Variants in FGF13 observed in about 807,000 individuals in gnomAD.
FGF13 encodes the protein fibroblast growth factor 13.
In FGF13, 2 loss-of-function variants were observed where a neutral mutation model predicts 19.5. The ratio of observed to expected loss-of-function variants is 0.10; its 90% CI spans 0.04 to 0.32. FGF13 has a LOEUF of 0.32. Among genes scored for constraint, FGF13 ranks in the 10% least tolerant of loss-of-function variants. The probability of loss-of-function intolerance (pLI) is 1.00; values close to 1 mark genes in which losing one functional copy is unlikely to be tolerated. For synonymous variants in FGF13, 72 were observed against 76.9 expected (o/e 0.94, Z 0.33); for missense variants, 113 against 192.7 (o/e 0.59, Z 2.45).
At chrX:138,935,709 G>T (rs979891304) in intron 1 of FGF13, among the ~76,000 whole-genome samples, 6 of 40,748 alleles carry the variant, frequency 1.5e-4, no homozygotes, top group African/African-American at 6.0e-4. Context: ...GTGTAGATCT[G>T]TGGAACCTCC....
chrX:138,876,631 G>A (rs907947856), intron 1 of FGF13, among the ~76,000 whole-genome samples: 1 of 112,029 alleles, frequency 8.9e-6, no homozygotes, highest in Non-Finnish European at 1.9e-5. Context: ...AATCACATGA[G>A]CTTAGAAGAG....
chrX:139,120,093 C>A (rs748228067), intron 1 of FGF13, among the ~76,000 whole-genome samples: 3 of 112,302 alleles, frequency 2.7e-5, no homozygotes, highest in African/African-American at 9.7e-5. Context: ...TGAGCTCACT[C>A]GCTGTCTCTC....
intron 1 of FGF13, among the ~76,000 whole-genome samples, chrX:139,053,079 C>T (rs2092308002): frequency 9.3e-6 from 1 of 107,808 alleles, no homozygotes; most frequent in Non-Finnish European, 1.9e-5. Context: ...AGTTTAGCTC[C>T]CACATATTAG....
rs10666140 is a variant in FGF13 at position 138,978,266 on chromosome X, G to GTTTTTTTTTTTTTTTTTTTTTTTTTTT, written c.-112-113617_-112-113616insAAAAAAAAAAAAAAAAAAAAAAAAAAA. On this transcript the variant is annotated intron_variant, in intron 1 of 2. Coordinates refer to the FGF13 transcript ENST00000421460. ...TAATCTCTATGGGCTAGCTGCCCTG[G>GTTTTTTTTTTTTTTTTTTTTTTTTTTT]TTTTTTTTTTTTTTGAGATGGAGTC... is the stretch of plus-strand genomic sequence containing the variant. Among the ~76,000 whole-genome samples the GTTTTTTTTTTTTTTTTTTTTTTTTTTT allele has an allele frequency of 3.9e-4, 32 of 82,883 alleles. 3 individuals carry two copies. Among genetic ancestry groups the GTTTTTTTTTTTTTTTTTTTTTTTTTTT allele is most frequent in the East Asian group, 8.3e-4 (2 of 2,419 alleles). 72.0% of individuals were successfully genotyped at this position (82,883 alleles called of 115,157 possible). A position where few individuals can be genotyped will look rare whatever the true frequency, so the allele number is the denominator to read the frequency against.
intron 3 of FGF13, among the ~76,000 whole-genome samples, chrX:138,788,504 G>C (rs1027044456): frequency 8.9e-6 from 1 of 112,151 alleles, no homozygotes; most frequent in Non-Finnish European, 1.9e-5. Flanking sequence ...GAGATTGTTT[G>C]ACCTTTTGAA....
intron 3 of FGF13, among the ~76,000 whole-genome samples, chrX:138,666,123 A>G (rs1051524991): frequency 9.0e-6 from 1 of 111,127 alleles, no homozygotes; most frequent in Non-Finnish European, 1.9e-5. Flanking sequence ...TTGAAATCAA[A>G]ATGTTCAAAT....
At chrX:139,098,257 G>A (rs1431568634) in intron 1 of FGF13, among the ~76,000 whole-genome samples, 1 of 111,596 alleles carries the variant, frequency 9.0e-6, no homozygotes, top group African/African-American at 3.3e-5. Context: ...GAATAGGGTA[G>A]CACATCTGTT....
At chrX:138,896,466 C>A (rs1399993263) in intron 1 of FGF13, among the ~76,000 whole-genome samples, 1 of 111,602 alleles carries the variant, frequency 9.0e-6, no homozygotes, top group Non-Finnish European at 1.9e-5. Flanking sequence ...CTTTCCTAAT[C>A]CATCCTGCAC....
At chrX:139,130,447 G>C (rs959065407) in intron 1 of FGF13, among the ~76,000 whole-genome samples, 8 of 110,780 alleles carry the variant, frequency 7.2e-5, no homozygotes, top group Admixed American at 6.7e-4. Context: ...CTAAAAACAT[G>C]TGTTAATTTG....
In FGF13 at chrX:139,185,529, C is replaced by T. The variant is rs867329645; in HGVS notation, c.-113+17887G>A. 1.3e-4 allele frequency among the ~76,000 whole-genome samples: 15 copies of T among 111,661 alleles called. No individual in the cohort carries two copies. The South Asian group carries it at 1.5e-3, about 11-fold the overall frequency. On this transcript the variant is annotated intron_variant, in intron 1 of 2. Transcript: ENST00000421460. Reference sequence around the variant, plus strand: ...TCTGAAACATGAGAAGACCATATTGCTACAAGACTATGCAGAGCAGGGAAG... The same window carrying T: ...TCTGAAACATGAGAAGACCATATTGTTACAAGACTATGCAGAGCAGGGAAG...
Position 138,711,252 on chromosome X carries a change from C to G in FGF13, c.-249G>C, listed in dbSNP as rs1414323939. On this transcript the variant is annotated 5_prime_UTR_variant, in exon 1 of 5. Transcript: ENST00000315930. Reference sequence around the variant, plus strand: ...GCTGCCTGGGTCGGAGTCGACGCCACAGCCCCGGGCCCGGGATCGCGGGCG... The same window carrying G: ...GCTGCCTGGGTCGGAGTCGACGCCAGAGCCCCGGGCCCGGGATCGCGGGCG... 2 of 921,026 alleles carry G rather than the reference C, an allele frequency of 2.2e-6. No individual in the cohort carries two copies. The highest frequency in any genetic ancestry group is 2.6e-6 in the Non-Finnish European group (2 of 760,487). 75.9% of individuals were successfully genotyped at this position (921,026 alleles called of 1,213,427 possible).
At chrX:139,007,210 G>C (rs1224259041) in intron 1 of FGF13, among the ~76,000 whole-genome samples, 1 of 111,628 alleles carries the variant, frequency 9.0e-6, no homozygotes, top group Non-Finnish European at 1.9e-5. Flanking sequence ...GCTTATATGA[G>C]ACAAAATGGA....
chrX:138,803,254 CT>C (rs1472801833), intron 3 of FGF13, among the ~76,000 whole-genome samples: 1 of 112,084 alleles, frequency 8.9e-6, no homozygotes, highest in African/African-American at 3.2e-5. Context: ...AAGGTATGAC[CT>C]ATCTTGGCTA....
chrX:138,650,121 G>A (rs1175459546), intron 3 of FGF13, among the ~76,000 whole-genome samples: 1 of 111,585 alleles, frequency 9.0e-6, no homozygotes, highest in Non-Finnish European at 1.9e-5. Flanking sequence ...ATCCTAAAGT[G>A]TATTCTTACA....
intron 1 of FGF13, among the ~76,000 whole-genome samples, chrX:138,868,922 T>C (rs868172333): frequency 9.9e-5 from 11 of 110,731 alleles, no homozygotes; most frequent in African/African-American, 3.0e-4. Flanking sequence ...CCAGGCTCAG[T>C]TGACCGCTAG....
intron 1 of FGF13, among the ~76,000 whole-genome samples, chrX:138,883,149 G>A (rs926073972): frequency 1.8e-5 from 2 of 112,278 alleles, no homozygotes; most frequent in African/African-American, 6.5e-5. Context: ...TGCAGTGTCA[G>A]CACTCATTTC....
At chrX:138,915,842 C>T (rs1246124617) in intron 1 of FGF13, among the ~76,000 whole-genome samples, 14 of 112,161 alleles carry the variant, frequency 1.2e-4, no homozygotes, top group Non-Finnish European at 2.4e-4. Flanking sequence ...TTTAAAAATG[C>T]CTGGCTTATA....
chrX:138,693,975 T>A (rs1277005787), intron 3 of FGF13, among the ~76,000 whole-genome samples: 1 of 112,202 alleles, frequency 8.9e-6, no homozygotes, highest in Admixed American at 9.5e-5. Flanking sequence ...ATGTACTTGC[T>A]GATATACCAT....
intron 1 of FGF13, among the ~76,000 whole-genome samples, chrX:139,036,369 C>T (rs781216572): frequency 5.4e-5 from 6 of 111,514 alleles, no homozygotes; most frequent in South Asian, 3.8e-4. Flanking sequence ...GGAGTTTCTA[C>T]GTTTCTACTT....
Sources: gnomAD v4.1 joint callset for allele counts (sites outside exome capture counted in the v4.1 genomes callset) on GRCh38, gnomAD v4.1.1 for gene constraint, MANE v1.5 for transcripts, NCBI Gene and HGNC (gene_info 2026-07-23, HGNC 2026-07-21) for gene names.